Variants in PXMP2 observed in about 807,000 individuals in gnomAD.
PXMP2 encodes 22 kDa peroxisomal membrane protein.
PXMP2 carries 13 observed loss-of-function variants against 20.2 expected under a neutral mutation model. That is an observed-to-expected ratio of 0.64 (90% CI 0.42 to 1.02). The LOEUF (loss-of-function observed/expected upper bound fraction) is 1.02, where lower values mean the gene tolerates loss of function less well. Among genes scored for constraint, PXMP2 ranks in the 50% least tolerant of loss-of-function variants. The pLI, the probability that PXMP2 is intolerant of heterozygous loss-of-function variation, is 0.00. For synonymous variants in PXMP2, 113 were observed against 111.2 expected (o/e 1.02, Z -0.10); for missense variants, 284 against 251.8 (o/e 1.13, Z -0.87).
chr12:132,703,675 T>C (rs908709202), intron 4 of PXMP2, among the ~76,000 whole-genome samples: 3 of 152,026 alleles, frequency 2.0e-5, no homozygotes, highest in Non-Finnish European at 2.9e-5. Context: ...AGTTTGGCCA[T>C]GTGGAGGATG....
chr12:132,691,165 A>C (rs1396374564), intron 2 of PXMP2, among the ~76,000 whole-genome samples: 2 of 149,858 alleles, frequency 1.3e-5, no homozygotes, highest in Admixed American at 1.3e-4. Context: ...CATTCTCCCG[A>C]CTCAGTCTCC....
chr12:132,701,138 C>G, intron 3 of PXMP2, 112 bp from the exon 4 acceptor site: 1 of 1,479,936 alleles, frequency 6.8e-7, no homozygotes, highest in Non-Finnish European at 9.3e-7. Context: ...TGCGTACACA[C>G]AGAACAAAAT....
At chr12:132,703,626 G>A (rs1244005932) in intron 4 of PXMP2, among the ~76,000 whole-genome samples, 2 of 152,194 alleles carry the variant, frequency 1.3e-5, no homozygotes, top group African/African-American at 4.8e-5. Flanking sequence ...GAGGGCAGAG[G>A]AAGTCAGGCG....
At position 132,696,075 on chromosome 12, in the gene PXMP2, G is replaced by T; in HGVS notation, c.399+29G>T. 1 of 1,569,194 alleles carries T rather than the reference G, an allele frequency of 6.4e-7. No individual in the cohort carries two copies. The highest frequency in any genetic ancestry group is 8.7e-7 in the Non-Finnish European group (1 of 1,151,442). ...GGTGTCTGCCACAGCACTTACTGCA[G>T]CTCTTCGTTTAGCACAGGGATTCTT... On this transcript the variant is annotated intron_variant, in intron 3 of 4. Coordinates refer to ENST00000317479, the MANE Select transcript of PXMP2 (RefSeq NM_018663.3). The surrounding 1 kb of genome is among the most constrained non-coding windows in gnomAD (Gnocchi z 4.4).
chr12:132,693,826 C>A (rs1410497700), intron 2 of PXMP2, among the ~76,000 whole-genome samples: 2 of 100,850 alleles, frequency 2.0e-5, no homozygotes, highest in African/African-American at 7.3e-5. Context: ...TAGTGAGCTC[C>A]CTTGCCAGTT....
intron 2 of PXMP2, among the ~76,000 whole-genome samples, chr12:132,693,266 TGCCAGTTAGTTAAGTGAGCGCCCTTA>T (rs2043384013): frequency 1.5e-5 from 1 of 67,392 alleles, no homozygotes. Context: ...TGAGTGCCCT[TGCCAGTTAGTTAAGTGAGCGCCCTTA>T]GCCAGTTAGA....
intron 4 of PXMP2, among the ~76,000 whole-genome samples, chr12:132,702,968 C>T (rs1191786922): frequency 6.6e-6 from 1 of 152,214 alleles, no homozygotes; most frequent in Non-Finnish European, 1.5e-5. Context: ...GACAAAGAGG[C>T]AGTTCACCCT....
At chr12:132,704,588 C>G in intron 4 of PXMP2, 31 bp from the exon 5 acceptor site, 1 of 1,406,518 alleles carries the variant, frequency 7.1e-7, no homozygotes, top group Non-Finnish European at 9.3e-7. Flanking sequence ...CTCCCGCTGA[C>G]CGTGGCCTGT....
chr12:132,694,830 T>C (rs1284618508), intron 2 of PXMP2, among the ~76,000 whole-genome samples: 2 of 135,406 alleles, frequency 1.5e-5, no homozygotes, highest in African/African-American at 5.2e-5. Context: ...CCTTAGCCAG[T>C]TAGTTAGCTC....
At chr12:132,695,041 CAGTT>C (rs1421090633) in intron 2 of PXMP2, among the ~76,000 whole-genome samples, 3 of 146,008 alleles carry the variant, frequency 2.1e-5, no homozygotes, top group Admixed American at 6.9e-5. Flanking sequence ...CTCCCTTAGC[CAGTT>C]AGTTAGTGAG....
chr12:132,700,190 C>T (rs1297082298), intron 3 of PXMP2, among the ~76,000 whole-genome samples: 9 of 151,856 alleles, frequency 5.9e-5, no homozygotes, highest in African/African-American at 9.7e-5. Flanking sequence ...TACAGGCACA[C>T]GCCACCATGC....
chr12:132,700,430 G>C (rs978187116), intron 3 of PXMP2, among the ~76,000 whole-genome samples: 1 of 151,884 alleles, frequency 6.6e-6, no homozygotes, highest in Non-Finnish European at 1.5e-5. Flanking sequence ...CTGATGATTA[G>C]TGATGTTGAA....
intron 3 of PXMP2, among the ~76,000 whole-genome samples, chr12:132,699,357 G>A (rs2043426152): frequency 6.6e-6 from 1 of 152,086 alleles, no homozygotes; most frequent in African/African-American, 2.4e-5. Flanking sequence ...GGCCAAGTGA[G>A]CCGACATCAC....
intron 2 of PXMP2, among the ~76,000 whole-genome samples, chr12:132,694,352 TAGTG>T (rs1190871107): frequency 1.2e-5 from 1 of 83,676 alleles, no homozygotes; most frequent in Non-Finnish European, 2.7e-5. Flanking sequence ...CCTTGCCAGT[TAGTG>T]AGCGCCCTTG....
chr12:132,687,966 C>T, intron 1 of PXMP2, 174 bp downstream of exon 1: 1 of 576,656 alleles, frequency 1.7e-6, no homozygotes, highest in Non-Finnish European at 2.3e-6. Context: ...CACCCGCGTC[C>T]GCAGTCAGCG....
At chr12:132,704,586 G>C in intron 4 of PXMP2, 33 bp from the exon 5 acceptor site, 1 of 1,404,344 alleles carries the variant, frequency 7.1e-7, no homozygotes. Context: ...GCCTCCCGCT[G>C]ACCGTGGCCT....
At chr12:132,691,325 G>A (rs1028736257) in intron 2 of PXMP2, among the ~76,000 whole-genome samples, 16 of 152,162 alleles carry the variant, frequency 1.1e-4, no homozygotes, top group South Asian at 4.1e-4. Flanking sequence ...TGGGATTACA[G>A]GCGCGAGCCA....
rs745430907 is a variant in PXMP2 at position 132,704,638 on chromosome 12, A to G, written c.539A>G (p.Asn180Ser). The part of the protein sequence containing the change: ...VPLKFRVLFA[N>S]LAALFWYAYL... ...CGGCAGTTCCGGGTGCTCTTCGCCA[A>G]CCTGGCAGCTCTGTTCTGGTATGCC... The change falls in exon 5 of 5, where the codon AAC becomes AGC. Residue 180 changes from asparagine to serine, a missense_variant. Coordinates refer to ENST00000317479, the MANE Select transcript of PXMP2 (RefSeq NM_018663.3). 2.0e-5 allele frequency: 29 copies of G among 1,468,582 alleles called. No homozygotes were observed. Among genetic ancestry groups the G allele is most frequent in the East Asian group, 1.0e-4 (4 of 38,606 alleles). 91.0% of individuals were successfully genotyped at this position (1,468,582 alleles called of 1,614,324 possible).
chr12:132,701,523 C>T, intron 4 of PXMP2, 154 bp downstream of exon 4: 1 of 1,057,320 alleles, frequency 9.5e-7, no homozygotes, highest in Non-Finnish European at 1.3e-6. Context: ...TCATCCGTGT[C>T]TAGACTCCTC....
Sources: gnomAD v4.1 joint callset for allele counts (sites outside exome capture counted in the v4.1 genomes callset) on GRCh38, gnomAD v4.1.1 for gene constraint, Gnocchi (gnomAD v3.1) non-coding constraint, MANE v1.5 for transcripts, NCBI Gene and HGNC (gene_info 2026-07-23, HGNC 2026-07-21) for gene names.